Variants in ROCK1 observed in about 807,000 individuals in gnomAD.
The protein encoded by ROCK1 is rho-associated protein kinase 1.
Under a neutral mutation model 196.8 loss-of-function variants are expected in ROCK1, and 36 were observed. The observed-to-expected ratio is 0.18, with a 90% confidence interval of 0.14 to 0.24. The LOEUF (loss-of-function observed/expected upper bound fraction) is 0.24. Among genes scored for constraint, ROCK1 ranks in the 10% least tolerant of loss-of-function variants. The pLI is 1.00. For synonymous variants in ROCK1, 443 were observed against 515.9 expected (o/e 0.86, Z 1.91); for missense variants, 920 against 1,562.0 (o/e 0.59, Z 6.93).
chr18:20,957,173 T>C (rs1174376742), intron 29 of ROCK1, among the ~76,000 whole-genome samples: 1 of 152,176 alleles, frequency 6.6e-6, no homozygotes, highest in Non-Finnish European at 1.5e-5. Context: ...TATTTACCCA[T>C]GAGAAATGAA....
chr18:20,959,867 G>C lies in ROCK1; in HGVS notation c.3485C>G (p.Ser1162Cys). 2 of 1,610,568 alleles carry C rather than the reference G, an allele frequency of 1.2e-6. No individual in the cohort carries two copies. Among genetic ancestry groups the C allele is most frequent in the Non-Finnish European group, 1.7e-6 (2 of 1,177,814 alleles). ...TATGTCCAATACCATAGATGGATTG[G>C]ATTGCTCCTTATCTTGTTCGTCATT... ...FYNDEQDKEQ[S>C]NPSMVLDIDK... Residue 1162 changes from serine to cysteine, a missense_variant, in exon 29 of 33, where the codon TCC becomes TGC. By Grantham distance (112) the Ser-to-Cys change is moderately radical (BLOSUM62 -1). Transcript: ENST00000399799.
At chr18:21,026,982 A>C (rs2035963566) in intron 10 of ROCK1, among the ~76,000 whole-genome samples, 1 of 142,994 alleles carries the variant, frequency 7.0e-6, no homozygotes, top group Non-Finnish European at 1.5e-5. Flanking sequence ...TCCATTGCCC[A>C]GGCTGGAGTG....
chr18:21,076,670 CAT>C (rs1188381587), intron 1 of ROCK1, among the ~76,000 whole-genome samples: 3 of 64,442 alleles, frequency 4.7e-5, no homozygotes, highest in East Asian at 4.5e-4. Flanking sequence ...CCTCTTGGTA[CAT>C]ACACACACAC....
chr18:20,970,582 T>G, intron 22 of ROCK1, 69 bp from the exon 23 acceptor site: 1 of 1,017,186 alleles, frequency 9.8e-7, no homozygotes, highest in Non-Finnish European at 1.4e-6. Flanking sequence ...AATCATATTC[T>G]TAAAAACACA....
At position 21,111,022 on chromosome 18, in the gene ROCK1, A is replaced by C; in HGVS notation, c.-112T>G. The C allele has an allele frequency of 2.5e-6, 2 of 802,460 alleles. No homozygotes were observed. Among genetic ancestry groups the C allele is most frequent in the South Asian group, 1.5e-5 (1 of 65,476 alleles). 49.7% of individuals were successfully genotyped at this position (802,460 alleles called of 1,614,324 possible). On this transcript the variant is annotated 5_prime_UTR_variant, in exon 1 of 33. Coordinates refer to ENST00000399799, the MANE Select transcript of ROCK1 (RefSeq NM_005406.3). This position sits in a 1 kb window ranked among gnomAD's most constrained non-coding sequence, Gnocchi z 4.2. ...CGCGGGGCGGAGGAGCCGGAACCTC[A>C]GGGTCACCAGGTGCGCCCGGTTCCC...
At chr18:21,047,199 T>C (rs2036167782) in intron 4 of ROCK1, among the ~76,000 whole-genome samples, 2 of 152,272 alleles carry the variant, frequency 1.3e-5, no homozygotes, top group East Asian at 3.9e-4. Flanking sequence ...AAGTAACAAT[T>C]ATGTCACATA....
intron 16 of ROCK1, 47 bp from the exon 17 acceptor site, chr18:20,992,984 C>T: frequency 1.7e-6 from 2 of 1,179,672 alleles, no homozygotes; most frequent in South Asian, 1.3e-5. Context: ...TGAAAGAAGT[C>T]TTTTTGTTCA....
At chr18:21,019,250 T>A (rs1307947458) in intron 12 of ROCK1, among the ~76,000 whole-genome samples, 1 of 151,600 alleles carries the variant, frequency 6.6e-6, no homozygotes, top group Non-Finnish European at 1.5e-5. Context: ...CCCTCCCGGG[T>A]TCAAGCAATT....
chr18:21,090,248 G>A (rs1017838024), intron 1 of ROCK1, among the ~76,000 whole-genome samples: 1 of 152,086 alleles, frequency 6.6e-6, no homozygotes, highest in African/African-American at 2.4e-5. Context: ...AGGATCCCTC[G>A]AACCTAATAG....
intron 29 of ROCK1, among the ~76,000 whole-genome samples, chr18:20,957,181 GA>G (rs1196646250): frequency 2.0e-5 from 3 of 152,140 alleles, no homozygotes; most frequent in Non-Finnish European, 4.4e-5. Flanking sequence ...CATGAGAAAT[GA>G]AAACATAAGT....
chr18:21,097,913 G>C (rs1032361104), intron 1 of ROCK1, among the ~76,000 whole-genome samples: 4 of 152,236 alleles, frequency 2.6e-5, no homozygotes, highest in African/African-American at 9.6e-5. Context: ...TCTGACTCCA[G>C]AATTCATGCC....
intron 1 of ROCK1, among the ~76,000 whole-genome samples, chr18:21,103,659 G>A (rs370946629): frequency 3.3e-5 from 5 of 151,686 alleles, no homozygotes; most frequent in African/African-American, 7.3e-5. Context: ...TGCCCAGGCC[G>A]GTCTCAAACT....
chr18:21,006,028 A>G (rs1051442784), intron 16 of ROCK1, among the ~76,000 whole-genome samples: 3 of 152,232 alleles, frequency 2.0e-5, no homozygotes, highest in African/African-American at 7.2e-5. Flanking sequence ...TAACAATTAA[A>G]AATAAAAATT....
At chr18:20,960,269 A>C (rs2035314517) in intron 27 of ROCK1, 63 bp from the exon 28 acceptor site, 1 of 1,001,024 alleles carries the variant, frequency 1.0e-6, no homozygotes, top group Non-Finnish European at 1.6e-6. Flanking sequence ...AAACTATTAA[A>C]AGTTGTCTGA....
At chr18:21,093,250 G>A (rs1370814007) in intron 1 of ROCK1, among the ~76,000 whole-genome samples, 1 of 152,126 alleles carries the variant, frequency 6.6e-6, no homozygotes, top group African/African-American at 2.4e-5. Context: ...TTCTCTGGTG[G>A]ACAACACCAA....
At position 20,979,406 on chromosome 18, in the gene ROCK1, G is replaced by A. The variant is rs529088676; in HGVS notation, c.2654+504C>T. Reference sequence around the variant, plus strand: ...TGGGAGGCCAAGGTGGACGGAATATGAGGTCAGGAGTTTGAGACCAACCTG... The same window carrying A: ...TGGGAGGCCAAGGTGGACGGAATATAAGGTCAGGAGTTTGAGACCAACCTG... On this transcript the variant is annotated intron_variant, in intron 22 of 32. Transcript: ENST00000399799. Among the ~76,000 whole-genome samples the A allele has an allele frequency of 1.7e-3, 252 of 152,172 alleles. 2 individuals carry two copies. The highest frequency in any genetic ancestry group is 5.9e-3 in the African/African-American group (243 of 41,522).
chr18:20,992,530 A>G lies in ROCK1; in HGVS notation c.1992+301T>C, dbSNP rs45442292. Among the ~76,000 whole-genome samples the G allele has an allele frequency of 6.9e-3, 1,046 of 152,300 alleles. 12 individuals carry two copies. The highest frequency in any genetic ancestry group is 0.023 in the African/African-American group (939 of 41,564). ...CCCTCACAGCACATTCATCTTACTC[A>G]TGTACAAAGAAAATAGGAAAACATA... On this transcript the variant is annotated intron_variant, in intron 17 of 32. Coordinates refer to ENST00000399799, the MANE Select transcript of ROCK1 (RefSeq NM_005406.3).
chr18:21,062,252 T>C (rs2036297977), intron 2 of ROCK1, among the ~76,000 whole-genome samples: 2 of 152,086 alleles, frequency 1.3e-5, no homozygotes, highest in South Asian at 4.1e-4. Flanking sequence ...GAGCATCGTG[T>C]AATGCCAGAA....
intron 1 of ROCK1, among the ~76,000 whole-genome samples, chr18:21,100,265 G>C (rs1443291881): frequency 6.6e-6 from 1 of 151,470 alleles, no homozygotes; most frequent in African/African-American, 2.4e-5. Context: ...CACTGAACAA[G>C]GACAAGAAAC....
Sources: allele counts gnomAD v4.1 joint callset (sites outside exome capture counted in the v4.1 genomes callset), GRCh38; gene constraint gnomAD v4.1.1; non-coding constraint Gnocchi (gnomAD v3.1); transcripts MANE v1.5; gene names NCBI Gene and HGNC (gene_info 2026-07-23, HGNC 2026-07-21).